The following PRKX variants were observed in gnomAD, a reference collection of about 807,000 sequenced individuals.
PRKX encodes cAMP-dependent protein kinase catalytic subunit PRKX.
In PRKX, 12 loss-of-function variants were observed where a neutral mutation model predicts 22.0. The observed-to-expected ratio is 0.54, with a 90% confidence interval of 0.35 to 0.88. PRKX has a LOEUF of 0.88. Among genes scored for constraint, PRKX ranks in the 40% least tolerant of loss-of-function variants. PRKX has a pLI of 0.01. For missense variants in PRKX, 217 were observed against 308.0 expected, an observed-to-expected ratio of 0.70 and a Z score of 2.21; for synonymous variants, 134 against 137.7, an observed-to-expected ratio of 0.97 and a Z score of 0.19.
chrX:3,664,120 C>G (rs1927670286), intron 2 of PRKX, among the ~76,000 whole-genome samples: 1 of 111,933 alleles, frequency 8.9e-6, no homozygotes, highest in South Asian at 3.7e-4. Context: ...GAGCTCCTCT[C>G]GAGGAGAAGT....
chrX:3,713,154 G>T lies in PRKX; in HGVS notation c.100C>A (p.Pro34Thr). The change falls in exon 1 of 9, where the codon CCT becomes ACT. Residue 34 changes from proline to threonine, a missense_variant. By Grantham distance (38) the Pro-to-Thr change is conservative. Transcript: ENST00000262848. ...GGCGGCTCCGGCGACAGCGCCTCAG[G>T]GCTGGGGCAGAGCGCGGGCGCCCCG... ...PDGAPALCPS[P>T]EALSPEPPVY... 8.8e-7 allele frequency: 1 copy of T among 1,139,342 alleles called. No homozygotes were observed. The highest frequency in any genetic ancestry group is 1.2e-6 in the Non-Finnish European group (1 of 865,032). 93.9% of individuals were successfully genotyped at this position (1,139,342 alleles called of 1,213,427 possible). A position where few individuals can be genotyped will look rare whatever the true frequency, so the allele number is the denominator to read the frequency against.
intron 3 of PRKX, among the ~76,000 whole-genome samples, chrX:3,644,162 T>C (rs1488285337): frequency 3.1e-5 from 3 of 97,992 alleles, no homozygotes; most frequent in Admixed American, 1.2e-4. Context: ...CTTTGGGAGG[T>C]TGAGGCAGGA....
At chrX:3,637,614 C>T (rs1341076786) in intron 4 of PRKX, among the ~76,000 whole-genome samples, 7 of 111,474 alleles carry the variant, frequency 6.3e-5, no homozygotes, top group Non-Finnish European at 3.8e-5. Flanking sequence ...ACAATATTCA[C>T]CCAGAAATAG....
chrX:3,650,412 T>A (rs1231846537), intron 3 of PRKX, among the ~76,000 whole-genome samples: 37 of 102,433 alleles, frequency 3.6e-4, no homozygotes, highest in Non-Finnish European at 6.9e-4. Context: ...TCCCAGCTAC[T>A]TGGGAGGCTG....
In PRKX at chrX:3,607,205, A is replaced by C. The variant is rs1369317790; in HGVS notation, c.*1764T>G. ...TTATAGTCAGCAAACATGAGACTTA[A>C]AAGCTTTTCCTTCTAGCTCCACATG... is the stretch of plus-strand genomic sequence containing the variant. On this transcript the variant is annotated 3_prime_UTR_variant, in exon 9 of 9. Transcript: ENST00000262848. 5 of 112,280 alleles carry C rather than the reference A, an allele frequency of 4.5e-5. No homozygotes were observed. Among genetic ancestry groups the C allele is most frequent in the Non-Finnish European group, 9.4e-5 (5 of 53,339 alleles). 9.3% of individuals were successfully genotyped at this position (112,280 alleles called of 1,213,427 possible). A position where few individuals can be genotyped will look rare whatever the true frequency, so the allele number is the denominator to read the frequency against.
chrX:3,685,069 A>G (rs7061555), intron 1 of PRKX, among the ~76,000 whole-genome samples: 17,150 of 110,525 alleles, frequency 0.16, 1,676 homozygotes, highest in African/African-American at 0.36. Flanking sequence ...CGCCTGCCTC[A>G]GCCTCTCAAA....
intron 1 of PRKX, among the ~76,000 whole-genome samples, chrX:3,705,034 TG>T (rs1928653977): frequency 1.8e-5 from 2 of 112,023 alleles, no homozygotes; most frequent in South Asian, 7.4e-4. Context: ...GCATTGCAGC[TG>T]CCTTTCCATG....
rs189100686 is a variant in PRKX at position 3,692,673 on chromosome X, A to G, written c.167-17907T>C. 3.5e-4 allele frequency among the ~76,000 whole-genome samples: 38 copies of G among 109,716 alleles called. No individual in the cohort carries two copies. The East Asian group carries it at 6.1e-3, about 18-fold the overall frequency. On this transcript the variant is annotated intron_variant, in intron 1 of 8. Coordinates refer to ENST00000262848, the MANE Select transcript of PRKX (RefSeq NM_005044.5). ...CTCCTGAGTAGCTGGGACTACAGGCACCCACCACCACGCCTGGCTAATTTT... is the reference window on the plus strand; with the variant it reads ...CTCCTGAGTAGCTGGGACTACAGGCGCCCACCACCACGCCTGGCTAATTTT...
At chrX:3,707,361 C>G (rs1928706392) in intron 1 of PRKX, among the ~76,000 whole-genome samples, 1 of 111,526 alleles carries the variant, frequency 9.0e-6, no homozygotes, top group Non-Finnish European at 1.9e-5. Context: ...TTTCCCACCT[C>G]AGGAAACCCC....
intron 1 of PRKX, among the ~76,000 whole-genome samples, chrX:3,695,713 T>C (rs961686769): frequency 5.4e-5 from 6 of 112,002 alleles, no homozygotes; most frequent in Admixed American, 4.7e-4. Context: ...TTGCTTTTAA[T>C]CTTCTCTTAG....
chrX:3,648,605 CCTGTGTGTGTGTGTGTGTGTGTGTGTGT>C (rs1369886385), intron 3 of PRKX, among the ~76,000 whole-genome samples: 1 of 46,169 alleles, frequency 2.2e-5, no homozygotes, highest in Middle Eastern at 0.01. Context: ...TCTCTCTACT[CCTGTGTGTGTGTGTGTGTGTGTGTGTGT>C]GTGTGTGTGT....
intron 1 of PRKX, among the ~76,000 whole-genome samples, chrX:3,711,583 G>A (rs186221699): frequency 8.9e-6 from 1 of 112,104 alleles, no homozygotes; most frequent in African/African-American, 3.2e-5. Flanking sequence ...GCCAAGGAAC[G>A]GCTGGACCTC....
Position 3,612,190 on chromosome X carries a change from G to T in PRKX, c.*10C>A. On this transcript the variant is annotated 3_prime_UTR_variant, in exon 8 of 9. Transcript: ENST00000262848. ...ATAAAGATATACCTTCCAGATGTGAGCTCCTGTCCTCAGAAATTCTTGAAG... is the reference window on the plus strand; with the variant it reads ...ATAAAGATATACCTTCCAGATGTGATCTCCTGTCCTCAGAAATTCTTGAAG... 2 of 1,205,664 alleles carry T rather than the reference G, an allele frequency of 1.7e-6. No individual in the cohort carries two copies. Among genetic ancestry groups the T allele is most frequent in the Non-Finnish European group, 2.2e-6 (2 of 892,641 alleles).
chrX:3,711,320 A>C (rs1177964038), intron 1 of PRKX, among the ~76,000 whole-genome samples: 1 of 110,716 alleles, frequency 9.0e-6, no homozygotes, highest in Admixed American at 9.7e-5. Context: ...ACTGAAAAAA[A>C]AAGCTGACTC....
chrX:3,618,966 C>T (rs1268192840), intron 6 of PRKX, among the ~76,000 whole-genome samples: 2 of 111,973 alleles, frequency 1.8e-5, no homozygotes, highest in East Asian at 2.8e-4. Context: ...ATAGGCTCCT[C>T]GGAGACCTGA....
chrX:3,664,174 A>G (rs1438003973), intron 2 of PRKX, among the ~76,000 whole-genome samples: 2 of 111,857 alleles, frequency 1.8e-5, no homozygotes, highest in Non-Finnish European at 3.8e-5. Flanking sequence ...CCTCCTCCGC[A>G]CCAGCAGCGC....
chrX:3,613,880 AG>A (rs1215863507), intron 7 of PRKX, among the ~76,000 whole-genome samples: 1 of 94,209 alleles, frequency 1.1e-5, no homozygotes, highest in East Asian at 4.4e-4. Context: ...AAAAAAAAAA[AG>A]AAGCGTATCA....
At position 3,695,002 on chromosome X, in the gene PRKX, G is replaced by A. The variant is rs142726798; in HGVS notation, c.166+18086C>T. Among the ~76,000 whole-genome samples the A allele has an allele frequency of 6.3e-3, 703 of 111,856 alleles. 8 individuals carry two copies. The highest frequency in any genetic ancestry group is 0.021 in the African/African-American group (662 of 30,812). ...GAGAGCATAAATTTCTGTTGCTTGC[G>A]TTCCCCAGTTTATGGTAATTTGAGA... On this transcript the variant is annotated intron_variant, in intron 1 of 8. Coordinates refer to ENST00000262848, the MANE Select transcript of PRKX (RefSeq NM_005044.5).
intron 3 of PRKX, among the ~76,000 whole-genome samples, chrX:3,651,625 T>G (rs1054360588): frequency 6.3e-5 from 7 of 111,746 alleles, no homozygotes; most frequent in African/African-American, 2.3e-4. Context: ...GGAGAGCCCT[T>G]TTCTAAAAGC....
Sources: allele counts gnomAD v4.1 joint callset (sites outside exome capture counted in the v4.1 genomes callset), GRCh38; gene constraint gnomAD v4.1.1; transcripts MANE v1.5; gene names NCBI Gene and HGNC (gene_info 2026-07-23, HGNC 2026-07-21).